The following CAMTA1 variants were observed in gnomAD, a reference collection of about 807,000 sequenced individuals.
The protein encoded by CAMTA1 is calmodulin-binding transcription activator 1.
A neutral mutation model predicts 170.9 loss-of-function variants in CAMTA1; 27 were observed. The ratio of observed to expected loss-of-function variants is 0.16; its 90% CI spans 0.12 to 0.22. CAMTA1 has a LOEUF of 0.22. Ranked by LOEUF, CAMTA1 falls within the 10% of genes least tolerant of loss-of-function variation. The pLI, the probability that CAMTA1 is intolerant of heterozygous loss-of-function variation, is 1.00. For synonymous variants in CAMTA1, 833 were observed against 891.5 expected (o/e 0.93, Z 1.17); for missense variants, 1,619 against 2,217.2 (o/e 0.73, Z 5.42).
chr1:7,567,838 G>A (rs183560108), intron 6 of CAMTA1, among the ~76,000 whole-genome samples: 88 of 152,248 alleles, frequency 5.8e-4, no homozygotes, highest in East Asian at 7.7e-4. Context: ...AGAAAACTCC[G>A]GTCCCAAACA....
rs767458145 is a variant in CAMTA1 at position 7,663,841 on chromosome 1, G to A, written c.1294G>A (p.Val432Ile). 32 of 1,614,040 alleles carry A rather than the reference G, an allele frequency of 2.0e-5. No individual in the cohort carries two copies. The East Asian group carries it at 3.1e-4, about 16-fold the overall frequency. Residue 432 changes from valine to isoleucine, a missense_variant, in exon 9 of 23, where the codon GTC (valine) becomes ATC (isoleucine). Coordinates refer to ENST00000303635, the MANE Select transcript of CAMTA1 (RefSeq NM_015215.4). ...LLSPDASQGL[V>I]LAVSSDGHKF... ...CTCACCTGACGCCTCTCAGGGCCTC[G>A]TCCTGGCCGTGAGCTCTGATGGCCA...
In CAMTA1 at chr1:7,582,225, G is replaced by A. The variant is rs558029478; in HGVS notation, c.511-58175G>A. ...AGCCATAAATGATAGCCCACGTGGCGGTTGCTCAGAGAAAGGAGCTCTCTC... is the reference window on the plus strand; with the variant it reads ...AGCCATAAATGATAGCCCACGTGGCAGTTGCTCAGAGAAAGGAGCTCTCTC... On this transcript the variant is annotated intron_variant, in intron 6 of 22. Coordinates refer to ENST00000303635, the MANE Select transcript of CAMTA1 (RefSeq NM_015215.4). 3.3e-4 allele frequency among the ~76,000 whole-genome samples: 51 copies of A among 152,276 alleles called. 1 individual carries two copies. Among genetic ancestry groups the A allele is most frequent in the Admixed American group, 1.8e-3 (28 of 15,306 alleles).
At chr1:7,559,910 G>A (rs1168041164) in intron 6 of CAMTA1, among the ~76,000 whole-genome samples, 3 of 152,208 alleles carry the variant, frequency 2.0e-5, no homozygotes, top group East Asian at 3.9e-4. Flanking sequence ...GACTCGCAGC[G>A]AGTTTCCGGA....
chr1:7,370,919 T>TTTTTTTTTTTTTTTTTTTTTTA (rs2086399161), intron 5 of CAMTA1, among the ~76,000 whole-genome samples: 1 of 126,708 alleles, frequency 7.9e-6, no homozygotes. Context: ...TCTTTCTTTT[T>TTTTTTTTTTTTTTTTTTTTTTA]TTTTTTTTTT....
chr1:7,617,216 A>C (rs1372443600), intron 6 of CAMTA1, among the ~76,000 whole-genome samples: 1 of 152,184 alleles, frequency 6.6e-6, no homozygotes, highest in Non-Finnish European at 1.5e-5. Flanking sequence ...ACTGACACAC[A>C]TGGTCGTGGC....
At chr1:7,702,841 T>C (rs977269927) in intron 11 of CAMTA1, among the ~76,000 whole-genome samples, 3 of 151,950 alleles carry the variant, frequency 2.0e-5, no homozygotes, top group South Asian at 2.1e-4. Context: ...CTCCAGCCAC[T>C]CCTCCTCGCC....
intron 5 of CAMTA1, among the ~76,000 whole-genome samples, chr1:7,375,484 G>C (rs2086776156): frequency 6.6e-6 from 1 of 152,202 alleles, no homozygotes; most frequent in Admixed American, 6.5e-5. Context: ...GGTTGCCACT[G>C]GGGGACTGAG....
At position 7,284,168 on chromosome 1, in the gene CAMTA1, CTTCTTCTTCTTA is replaced by C. The variant is rs568543882; in HGVS notation, c.438+34545_438+34556del. ...TCTTCTTCTTCTTCTTCTTCTTCTT[CTTCTTCTTCTTA>C]TTATTATTATTATTATTATTATTAT... On this transcript the variant is annotated intron_variant, in intron 5 of 22. Coordinates refer to ENST00000303635, the MANE Select transcript of CAMTA1 (RefSeq NM_015215.4). Among the ~76,000 whole-genome samples the C allele has an allele frequency of 5.0e-3, 581 of 116,856 alleles. 2 individuals are homozygous for C. The highest frequency in any genetic ancestry group is 0.01 in the African/African-American group (297 of 28,716). The allele number at this position is 116,856 out of a possible 152,430, so 76.7% of individuals were successfully genotyped here. A position where few individuals can be genotyped will look rare whatever the true frequency, so the allele number is the denominator to read the frequency against.
At chr1:6,928,903 A>G (rs546171567) in intron 3 of CAMTA1, among the ~76,000 whole-genome samples, 1 of 152,236 alleles carries the variant, frequency 6.6e-6, no homozygotes, top group Admixed American at 6.5e-5. Flanking sequence ...TGCATCTACC[A>G]TGTTCACTGT....
Position 7,769,377 on chromosome 1 carries a change from T to C in CAMTA1, c.*2886T>C, listed in dbSNP as rs1308707494. On this transcript the variant is annotated 3_prime_UTR_variant, in exon 23 of 23. Transcript: ENST00000303635. ...AATTGCTATTGTTACCCATTCGAAA[T>C]CAGCTGTACTGTGTGAACGAAATAA... 6.5e-6 allele frequency: 1 copy of C among 152,750 alleles called. No homozygotes were observed. The highest frequency in any genetic ancestry group is 1.5e-5 in the Non-Finnish European group (1 of 68,038). The allele number at this position is 152,750 out of a possible 1,614,324, so 9.5% of individuals were successfully genotyped here.
chr1:7,470,039 C>T (rs2093301316), intron 6 of CAMTA1, among the ~76,000 whole-genome samples: 1 of 152,240 alleles, frequency 6.6e-6, no homozygotes, highest in South Asian at 2.1e-4. Flanking sequence ...CCCCGAAGGC[C>T]AGGATGGCAG....
intron 3 of CAMTA1, among the ~76,000 whole-genome samples, chr1:6,997,680 G>A (rs1179399680): frequency 2.1e-5 from 2 of 95,506 alleles, no homozygotes; most frequent in Admixed American, 9.9e-5. Flanking sequence ...TTTTTTTTGA[G>A]ACAGAGTTTC....
At chr1:7,464,396 AT>A (rs1261404193) in intron 5 of CAMTA1, among the ~76,000 whole-genome samples, 1 of 152,196 alleles carries the variant, frequency 6.6e-6, no homozygotes, top group African/African-American at 2.4e-5. Context: ...GACAAACTTG[AT>A]TGCTTTTTTG....
At chr1:7,223,560 T>C (rs1661196424) in intron 4 of CAMTA1, among the ~76,000 whole-genome samples, 1 of 152,164 alleles carries the variant, frequency 6.6e-6, no homozygotes, top group Admixed American at 6.5e-5. Context: ...TTGTGCTTTC[T>C]AGGGCCTCAG....
At chr1:7,684,087 C>T (rs931239385) in intron 11 of CAMTA1, among the ~76,000 whole-genome samples, 2 of 152,198 alleles carry the variant, frequency 1.3e-5, no homozygotes, top group African/African-American at 2.4e-5. Context: ...GGGTCCCATC[C>T]GGCCTCCTTG....
chr1:7,744,620 A>G (rs938274564), intron 16 of CAMTA1, among the ~76,000 whole-genome samples: 2 of 152,206 alleles, frequency 1.3e-5, no homozygotes, highest in African/African-American at 4.8e-5. Flanking sequence ...TTGGGGCCAG[A>G]CTATGACTTG....
chr1:7,594,254 G>GAAGGAAGGAAGGAAGA (rs2095380951), intron 6 of CAMTA1, among the ~76,000 whole-genome samples: 1 of 150,260 alleles, frequency 6.7e-6, no homozygotes, highest in African/African-American at 2.5e-5. Flanking sequence ...AGAAAAGAAG[G>GAAGGAAGGAAGGAAGA]ACTGTCAGAG....
intron 4 of CAMTA1, among the ~76,000 whole-genome samples, chr1:7,204,104 C>G (rs1657236728): frequency 6.6e-6 from 1 of 152,004 alleles, no homozygotes; most frequent in African/African-American, 2.4e-5. Flanking sequence ...TCCCAAAGTG[C>G]TGGGATTACA....
intron 5 of CAMTA1, among the ~76,000 whole-genome samples, chr1:7,259,564 C>A (rs200618621): frequency 1.3e-5 from 2 of 152,352 alleles, no homozygotes; most frequent in East Asian, 3.9e-4. Context: ...AGGGTCCTGC[C>A]TCAGTGCCTT....
Sources: gnomAD v4.1 joint callset for allele counts (sites outside exome capture counted in the v4.1 genomes callset) on GRCh38, gnomAD v4.1.1 for gene constraint, MANE v1.5 for transcripts, NCBI Gene and HGNC (gene_info 2026-07-23, HGNC 2026-07-21) for gene names.